The following HPS3 variants were observed in gnomAD, a reference collection of about 807,000 sequenced individuals.
HPS3 encodes HPS3 biogenesis of lysosomal organelles complex 2 subunit 1.
Under a neutral mutation model 110.9 loss-of-function variants are expected in HPS3, and 79 were observed. The observed-to-expected ratio is 0.71, with a 90% CI of 0.59 to 0.86. The LOEUF (loss-of-function observed/expected upper bound fraction) is 0.86, where lower values mean the gene tolerates loss of function less well. HPS3 is among the 40% of genes least tolerant of loss of function. The probability of loss-of-function intolerance (pLI) is 0.00; values close to 1 mark genes in which losing one functional copy is unlikely to be tolerated. For missense variants in HPS3, 1,197 were observed against 1,206.2 expected (o/e 0.99, Z 0.11); for synonymous variants, 428 against 451.0 (o/e 0.95, Z 0.65).
chr3:149,167,995 T>TA lies in HPS3; in HGVS notation c.2887+12_2887+13insA. 1 of 1,391,722 alleles carries TA rather than the reference T, an allele frequency of 7.2e-7. No homozygotes were observed. The highest frequency in any genetic ancestry group is 1.0e-6 in the Non-Finnish European group (1 of 978,342). 86.2% of individuals were successfully genotyped at this position (1,391,722 alleles called of 1,614,324 possible). On this transcript the variant is annotated intron_variant, in intron 16 of 16. Transcript: ENST00000296051. The stretch of plus-strand genomic sequence containing the variant: ...GTCATCATTAAAAGGTAAAATGATT[T>TA]TTTTTTTGCTTGATTATAAACTTAA...
intron 5 of HPS3, 60 bp downstream of exon 5, chr3:149,145,606 C>G: frequency 1.6e-6 from 2 of 1,285,904 alleles, no homozygotes; most frequent in Admixed American, 1.7e-5. Context: ...TTTTGAGGTA[C>G]TTCCTAAATC....
chr3:149,167,241 G>C lies in HPS3; in HGVS notation c.2796+1G>C. On this transcript the variant is annotated splice_donor_variant, in intron 15 of 16. Transcript: ENST00000296051. LOFTEE classifies it high-confidence loss of function. ...TCATGAACTGAAAGAAGAGAACCGG[G>C]TATGCTTTTTCAGATTATGTTTTTA... The C allele has an allele frequency of 6.2e-7, 1 of 1,609,078 alleles. No individual in the cohort carries two copies. The highest frequency in any genetic ancestry group is 1.1e-5 in the South Asian group (1 of 90,768).
intron 1 of HPS3, among the ~76,000 whole-genome samples, chr3:149,134,397 G>A (rs1286478381): frequency 9.2e-5 from 14 of 151,834 alleles, no homozygotes; most frequent in African/African-American, 1.7e-4. Context: ...AGAAAGACAG[G>A]GACAGACAGG....
intron 1 of HPS3, among the ~76,000 whole-genome samples, chr3:149,138,375 A>G (rs572411331): frequency 2.0e-5 from 3 of 152,350 alleles, no homozygotes; most frequent in African/African-American, 7.2e-5. Flanking sequence ...TAGTGTTAAT[A>G]TAATAGAGTC....
intron 11 of HPS3, among the ~76,000 whole-genome samples, chr3:149,161,069 A>G (rs185605414): frequency 4.6e-5 from 7 of 152,338 alleles, no homozygotes; most frequent in African/African-American, 1.4e-4. Context: ...AGCCCACAGT[A>G]TGACTTGGGT....
chr3:149,153,013 C>T (rs888887955), intron 6 of HPS3, among the ~76,000 whole-genome samples: 4 of 152,200 alleles, frequency 2.6e-5, no homozygotes, highest in African/African-American at 4.8e-5. Context: ...CACACACATC[C>T]GCAAAGAAAC....
chr3:149,130,710 G>A (rs1269229284), intron 1 of HPS3, among the ~76,000 whole-genome samples: 1 of 152,160 alleles, frequency 6.6e-6, no homozygotes, highest in African/African-American at 2.4e-5. Flanking sequence ...AACCGGGGAG[G>A]CGGAGATTGC....
intron 9 of HPS3, 64 bp from the exon 10 acceptor site, chr3:149,158,600 CAA>C: frequency 7.0e-7 from 1 of 1,419,184 alleles, no homozygotes; most frequent in Non-Finnish European, 1.0e-6. Flanking sequence ...TCAGTCTGGG[CAA>C]CATAGTGAGA....
intron 1 of HPS3, among the ~76,000 whole-genome samples, chr3:149,135,984 C>T (rs977390274): frequency 2.0e-5 from 3 of 152,052 alleles, no homozygotes; most frequent in Non-Finnish European, 4.4e-5. Flanking sequence ...AGCCTTTGAT[C>T]TGGTATTACT....
rs113015797 is a variant in HPS3, at chr3:149,172,318, T to TCACACACACACACA, written c.*121_*134dup. 4,180 of 571,462 alleles carry TCACACACACACACA rather than the reference T, an allele frequency of 7.3e-3. 30 individuals carry two copies. Among genetic ancestry groups the TCACACACACACACA allele is most frequent in the African/African-American group, 0.031 (1,550 of 49,450 alleles). The allele number at this position is 571,462 out of a possible 1,614,324, so 35.4% of individuals were successfully genotyped here. On this transcript the variant is annotated 3_prime_UTR_variant, in exon 17 of 17. Coordinates refer to ENST00000296051, the MANE Select transcript of HPS3 (RefSeq NM_032383.5). ...GTAGAGGAGTTTTTTATTTTATATA[T>TCACACACACACACA]CACACACACACACACACACACACAC...
At chr3:149,140,981 C>T (rs1230387634) in intron 2 of HPS3, 36 bp from the exon 3 acceptor site, 8 of 1,585,938 alleles carry the variant, frequency 5.0e-6, no homozygotes, top group East Asian at 2.2e-5. Context: ...ATCTAATTTT[C>T]ATTCAAGCAG....
Position 149,140,258 on chromosome 3 carries a change from T to G in HPS3, c.472T>G (p.Leu158Val). 6.2e-7 allele frequency: 1 copy of G among 1,614,228 alleles called. No homozygotes were observed. Among genetic ancestry groups the G allele is most frequent in the East Asian group, 2.2e-5 (1 of 44,884 alleles). ...CGTTGGCTGCACAAATAAATTAGTC[T>G]TATTTAGTTTGAAGTACCAGATCAT... ...LLVGCTNKLV[L>V]FSLKYQIINE... Residue 158 changes from leucine to valine, a missense_variant, in exon 2 of 17, where the codon TTA (leucine) becomes GTA (valine). By Grantham distance (32) the Leu-to-Val change is conservative (BLOSUM62 1). Coordinates refer to ENST00000296051, the MANE Select transcript of HPS3 (RefSeq NM_032383.5).
Position 149,129,782 on chromosome 3 carries a change from TGGAGCC to T in HPS3, c.63_68del (p.Glu21_Pro22del). 6.2e-7 allele frequency: 1 copy of T among 1,609,222 alleles called. No homozygotes were observed. Among genetic ancestry groups the T allele is most frequent in the Non-Finnish European group, 8.5e-7 (1 of 1,179,142 alleles). The stretch of plus-strand genomic sequence containing the variant: ...TCGCAGCAGGTGGTGCCCTGCAAGC[TGGAGCC>T]GGACCGGTTCTGTGGCGGGGGGCGT... On this transcript the variant is annotated inframe_deletion, in exon 1 of 17. Transcript: ENST00000296051.
chr3:149,162,323 C>T lies in HPS3; in HGVS notation c.2282C>T (p.Ser761Phe). ...AAAATTGGAATTGAAGAAGCAGATTCCTTTTTTAAGGTTTGTCACTTTGAA... is the reference window on the plus strand; with the variant it reads ...AAAATTGGAATTGAAGAAGCAGATTTCTTTTTTAAGGTTTGTCACTTTGAA... ...NNKIGIEEAD[S>F]FFKVLCAKDE... The change falls in exon 12 of 17, where the codon TCC becomes TTC. Residue 761 changes from serine to phenylalanine, a missense_variant. Physicochemically the swap from Ser to Phe is radical, Grantham distance 155. Transcript: ENST00000296051. 2.5e-6 allele frequency: 4 copies of T among 1,613,844 alleles called. No homozygotes were observed. Among genetic ancestry groups the T allele is most frequent in the Middle Eastern group, 3.3e-4 (2 of 6,058 alleles).
At position 149,129,836 on chromosome 3, in the gene HPS3, G is replaced by T; in HGVS notation, c.113G>T (p.Gly38Val). 6.2e-7 allele frequency: 1 copy of T among 1,604,818 alleles called. No homozygotes were observed. Among genetic ancestry groups the T allele is most frequent in the Non-Finnish European group, 8.5e-7 (1 of 1,179,052 alleles). ...GGRDALFVAAGCKVEAFAVAG... is the reference protein window; with the variant it reads ...GGRDALFVAAVCKVEAFAVAG... ...CGTGACGCGCTTTTCGTGGCGGCGG[G>T]CTGCAAGGTGGAGGCGTTCGCGGTG... is the stretch of plus-strand genomic sequence containing the variant. Residue 38 changes from glycine (G) to valine (V), a missense_variant, in exon 1 of 17, where the codon GGC (glycine) becomes GTC (valine). By Grantham distance (109) the Gly-to-Val change is moderately radical (BLOSUM62 -3). Coordinates refer to ENST00000296051, the MANE Select transcript of HPS3 (RefSeq NM_032383.5).
Position 149,150,621 on chromosome 3 carries a change from G to C in HPS3, c.1186G>C (p.Val396Leu). The change falls in exon 6 of 17, where the codon GTG becomes CTG. Residue 396 changes from valine to leucine, a missense_variant. Transcript: ENST00000296051. Reference protein sequence around the residue: ...ITSNNLQCFTVRCSAAAAREE... With the variant: ...ITSNNLQCFTLRCSAAAAREE... ...CAGTAACAACCTGCAGTGTTTCACT[G>C]TGCGGTGCAGTGCGGCGGCAGCTCG... 13 of 1,614,072 alleles carry C rather than the reference G, an allele frequency of 8.1e-6. No individual in the cohort carries two copies. The highest frequency in any genetic ancestry group is 1.1e-5 in the Non-Finnish European group (13 of 1,179,966).
intron 6 of HPS3, 85 bp downstream of exon 6, chr3:149,150,765 C>A: frequency 9.4e-7 from 1 of 1,066,894 alleles, no homozygotes; most frequent in Non-Finnish European, 1.5e-6. Flanking sequence ...CAGACCTAAG[C>A]TAGGCAAGAA....
At chr3:149,160,359 C>A in intron 11 of HPS3, 80 bp downstream of exon 11, 1 of 901,126 alleles carries the variant, frequency 1.1e-6, no homozygotes, top group Non-Finnish European at 1.8e-6. Context: ...CTTCTGGCTT[C>A]TTTCTAGCTT....
chr3:149,138,245 G>A (rs1722235282), intron 1 of HPS3, among the ~76,000 whole-genome samples: 1 of 152,182 alleles, frequency 6.6e-6, no homozygotes, highest in African/African-American at 2.4e-5. Flanking sequence ...AGCCTGGTCA[G>A]CCCAGTGAAT....
Sources: gnomAD v4.1 joint callset for allele counts (sites outside exome capture counted in the v4.1 genomes callset) on GRCh38, gnomAD v4.1.1 for gene constraint, MANE v1.5 for transcripts, NCBI Gene and HGNC (gene_info 2026-07-23, HGNC 2026-07-21) for gene names.